Variants in AMPH observed in about 807,000 individuals in gnomAD.
AMPH encodes the protein amphiphysin (Stiff-Mann syndrome with breast cancer 128kD autoantigen).
Under a neutral mutation model 99.1 loss-of-function variants are expected in AMPH, and 49 were observed. That is an observed-to-expected ratio of 0.49 (90% CI 0.39 to 0.63). The LOEUF (loss-of-function observed/expected upper bound fraction) is 0.63, where lower values mean the gene tolerates loss of function less well. Among genes scored for constraint, AMPH ranks in the 20% least tolerant of loss-of-function variants. The pLI, the probability that AMPH is intolerant of heterozygous loss-of-function variation, is 0.00. For synonymous variants in AMPH, 314 were observed against 317.3 expected, an observed-to-expected ratio of 0.99 and a Z score of 0.11; for missense variants, 759 against 863.4, an observed-to-expected ratio of 0.88 and a Z score of 1.52.
intron 2 of AMPH, among the ~76,000 whole-genome samples, chr7:38,516,964 C>A (rs1335645675): frequency 5.3e-5 from 8 of 152,136 alleles, no homozygotes; most frequent in Admixed American, 5.2e-4. Context: ...ATCAATTTAT[C>A]CCTTTTGGAA....
intron 1 of AMPH, among the ~76,000 whole-genome samples, chr7:38,625,180 A>G (rs1010472050): frequency 5.9e-5 from 9 of 152,144 alleles, no homozygotes; most frequent in African/African-American, 2.2e-4. Flanking sequence ...CTGGCAAAAG[A>G]AGACCCAGGA....
intron 17 of AMPH, among the ~76,000 whole-genome samples, chr7:38,409,386 TAGA>T (rs1390741321): frequency 6.6e-6 from 1 of 152,140 alleles, no homozygotes; most frequent in Non-Finnish European, 1.5e-5. Context: ...TGGCCCCAAA[TAGA>T]AGATGATTGG....
rs531199344 is a variant in AMPH at position 38,485,126 on chromosome 7, A to C, written c.396+5924T>G. ...AAATGGTAACAGTAAATCCTTTCCT[A>C]CTAATAATTACTTTAAATGTAAGTT... On this transcript the variant is annotated intron_variant, in intron 5 of 20. Transcript: ENST00000356264. Among the ~76,000 whole-genome samples the C allele has an allele frequency of 2.0e-5, 3 of 152,078 alleles. No individual in the cohort carries two copies. In the South Asian group the frequency reaches 6.2e-4, roughly 31 times the overall value.
At position 38,461,342 on chromosome 7, in the gene AMPH, T is replaced by A; in HGVS notation, c.958A>T (p.Ile320Phe). ...AAGTTGTCCTCAAAGAAACTGATGA[T>A]GTTCTCCTGCTGCAGTTCCTTTGTC... ...TPTKELQQEN[I>F]ISFFEDNFVP... Residue 320 changes from isoleucine (I) to phenylalanine (F), a missense_variant, in exon 11 of 21, where the codon ATC (isoleucine) becomes TTC (phenylalanine). Around this residue, in one of 2 missense-constraint regions of AMPH, gnomAD observed 554 missense variants for 575.6 expected, o/e 0.96. Coordinates refer to ENST00000356264, the MANE Select transcript of AMPH (RefSeq NM_001635.4). 6.2e-7 allele frequency: 1 copy of A among 1,614,166 alleles called. No homozygotes were observed. The highest frequency in any genetic ancestry group is 8.5e-7 in the Non-Finnish European group (1 of 1,180,002).
At chr7:38,591,928 A>T (rs947726468) in intron 1 of AMPH, among the ~76,000 whole-genome samples, 2 of 152,234 alleles carry the variant, frequency 1.3e-5, no homozygotes, top group Non-Finnish European at 2.9e-5. Context: ...TTAAAGACAC[A>T]CACACAGAAA....
In AMPH at chr7:38,461,265, C is replaced by T. The variant is rs1189578431; in HGVS notation, c.1017+18G>A. 6.2e-7 allele frequency: 1 copy of T among 1,603,790 alleles called. No individual in the cohort carries two copies. The highest frequency in any genetic ancestry group is 1.7e-5 in the Admixed American group (1 of 59,704). On this transcript the variant is annotated intron_variant, in intron 11 of 20. Transcript: ENST00000356264. The stretch of plus-strand genomic sequence containing the variant: ...ATGGGACTTTCATGGACATACCAGC[C>T]CTGAACCAGGCACTTACCTGGGAAG...
At chr7:38,589,513 G>A (rs922621909) in intron 1 of AMPH, among the ~76,000 whole-genome samples, 1 of 152,150 alleles carries the variant, frequency 6.6e-6, no homozygotes, top group African/African-American at 2.4e-5. Flanking sequence ...TCCAGACTGT[G>A]TCAACCTACC....
At position 38,472,928 on chromosome 7, in the gene AMPH, A is replaced by G. The variant is rs547957932; in HGVS notation, c.590+2403T>C. Among the ~76,000 whole-genome samples the G allele has an allele frequency of 1.0e-3, 158 of 152,346 alleles. 1 individual carries two copies. The highest frequency in any genetic ancestry group is 3.6e-3 in the African/African-American group (151 of 41,592). On this transcript the variant is annotated intron_variant, in intron 7 of 20. Coordinates refer to ENST00000356264, the MANE Select transcript of AMPH (RefSeq NM_001635.4). ...CACTCCAACAATTACTTTACTTTGA[A>G]TAACCAAATACAACTTAGGAAGGGC...
chr7:38,490,772 T>C (rs150820052), intron 5 of AMPH, among the ~76,000 whole-genome samples: 2 of 152,326 alleles, frequency 1.3e-5, no homozygotes, highest in African/African-American at 2.4e-5. Flanking sequence ...GAACTTTTGG[T>C]AGCTCTGGTT....
intron 1 of AMPH, among the ~76,000 whole-genome samples, chr7:38,582,982 A>AATGG (rs1286329462): frequency 6.6e-6 from 1 of 152,214 alleles, no homozygotes; most frequent in Non-Finnish European, 1.5e-5. Flanking sequence ...TTTAGTTTAG[A>AATGG]ATGGTTCACC....
At chr7:38,542,718 G>T (rs1024506317) in intron 1 of AMPH, among the ~76,000 whole-genome samples, 1 of 152,170 alleles carries the variant, frequency 6.6e-6, no homozygotes, top group African/African-American at 2.4e-5. Flanking sequence ...CACTTTGGGA[G>T]GCGATGCCAG....
intron 11 of AMPH, among the ~76,000 whole-genome samples, chr7:38,454,353 A>G (rs1787148895): frequency 6.6e-6 from 1 of 152,224 alleles, no homozygotes; most frequent in South Asian, 2.1e-4. Context: ...TGATGTACTC[A>G]GTAATTATAG....
intron 1 of AMPH, among the ~76,000 whole-genome samples, chr7:38,539,008 C>G (rs1490864839): frequency 6.6e-6 from 1 of 152,046 alleles, no homozygotes; most frequent in Non-Finnish European, 1.5e-5. Flanking sequence ...TATAAGAAAG[C>G]CCAGAGAAAA....
chr7:38,399,820 C>A (rs760337080), intron 17 of AMPH, among the ~76,000 whole-genome samples: 1 of 152,204 alleles, frequency 6.6e-6, no homozygotes, highest in Admixed American at 6.5e-5. Context: ...ATTATCCTAT[C>A]TTCTGCCCAA....
Position 38,466,258 on chromosome 7 carries a change from G to T in AMPH, c.591-10C>A, listed in dbSNP as rs1309802487. On this transcript the variant is annotated splice_polypyrimidine_tract_variant and intron_variant, in intron 7 of 20. Transcript: ENST00000356264. Reference sequence around the variant, plus strand: ...ATAAAATCCAACTCGTCTGCCATGTGGAAACACAAAGAGGAAAGAAGAGAG... The same window carrying T: ...ATAAAATCCAACTCGTCTGCCATGTTGAAACACAAAGAGGAAAGAAGAGAG... 2 of 1,581,900 alleles carry T rather than the reference G, an allele frequency of 1.3e-6. No homozygotes were observed. Among genetic ancestry groups the T allele is most frequent in the Middle Eastern group, 3.3e-4 (2 of 5,982 alleles).
intron 1 of AMPH, among the ~76,000 whole-genome samples, chr7:38,586,208 G>A (rs756930534): frequency 1.1e-4 from 16 of 152,170 alleles, no homozygotes; most frequent in South Asian, 2.1e-4. Context: ...CAACGAACAC[G>A]TAAGTAAAGA....
intron 13 of AMPH, among the ~76,000 whole-genome samples, chr7:38,431,179 A>T (rs565537087): frequency 6.6e-6 from 1 of 152,360 alleles, no homozygotes; most frequent in Admixed American, 6.5e-5. Context: ...ATTATGGAGT[A>T]GTTATCCTTA....
intron 1 of AMPH, among the ~76,000 whole-genome samples, chr7:38,609,169 T>C (rs1793538432): frequency 6.6e-6 from 1 of 151,978 alleles, no homozygotes; most frequent in Admixed American, 6.6e-5. Flanking sequence ...TCGACTCGGA[T>C]AAATAGGAAC....
At chr7:38,619,022 A>G (rs1345883292) in intron 1 of AMPH, among the ~76,000 whole-genome samples, 2 of 152,142 alleles carry the variant, frequency 1.3e-5, no homozygotes, top group Non-Finnish European at 2.9e-5. Context: ...TGAAAGTATA[A>G]GGATGAAAAA....
Sources: allele counts gnomAD v4.1 joint callset (sites outside exome capture counted in the v4.1 genomes callset), GRCh38; gene constraint gnomAD v4.1.1; regional missense constraint gnomAD v4.1.1; transcripts MANE v1.5; gene names NCBI Gene and HGNC (gene_info 2026-07-23, HGNC 2026-07-21).